EPB41L3: variants seen among roughly 807,000 people sequenced by gnomAD.
The protein encoded by EPB41L3 is erythrocyte membrane protein band 4.1 like 3, also known as band 4.1-like protein 3.
A neutral mutation model predicts 127.1 loss-of-function variants in EPB41L3; 57 were observed. The ratio of observed to expected loss-of-function variants is 0.45; its 90% CI spans 0.36 to 0.56. EPB41L3 has a LOEUF of 0.56. Among genes scored for constraint, EPB41L3 ranks in the 20% least tolerant of loss-of-function variants. The probability of loss-of-function intolerance (pLI) is 0.00; values close to 1 mark genes in which losing one functional copy is unlikely to be tolerated. For missense variants in EPB41L3, 1,273 were observed against 1,372.2 expected, an observed-to-expected ratio of 0.93 and a Z score of 1.14; for synonymous variants, 572 against 549.5, an observed-to-expected ratio of 1.04 and a Z score of -0.57.
chr18:5,570,623 T>C (rs1017521785), intron 3 of EPB41L3, among the ~76,000 whole-genome samples: 3 of 152,194 alleles, frequency 2.0e-5, no homozygotes, highest in Non-Finnish European at 4.4e-5. Flanking sequence ...TTTATTATAC[T>C]TTAAGTTCTA....
At chr18:5,507,858 A>G (rs573333732) in intron 1 of EPB41L3, among the ~76,000 whole-genome samples, 1 of 152,328 alleles carries the variant, frequency 6.6e-6, no homozygotes, top group African/African-American at 2.4e-5. Context: ...GTGCTAATAA[A>G]ATCATAATGA....
intron 3 of EPB41L3, among the ~76,000 whole-genome samples, chr18:5,471,067 T>C (rs2086054285): frequency 6.6e-6 from 1 of 152,158 alleles, no homozygotes; most frequent in Non-Finnish European, 1.5e-5. Flanking sequence ...AGCTGGTACC[T>C]GCCATGCAGG....
intron 3 of EPB41L3, among the ~76,000 whole-genome samples, chr18:5,573,961 A>G (rs1397781322): frequency 2.7e-5 from 4 of 149,658 alleles, no homozygotes; most frequent in African/African-American, 9.9e-5. Context: ...CCCAGGCTGG[A>G]GTGCAATGGC....
intron 13 of EPB41L3, among the ~76,000 whole-genome samples, chr18:5,413,336 T>C (rs1196730915): frequency 2.0e-5 from 3 of 152,162 alleles, no homozygotes; most frequent in South Asian, 2.1e-4. Context: ...TTGACCATTC[T>C]GAAAGTACAA....
intron 3 of EPB41L3, among the ~76,000 whole-genome samples, chr18:5,458,075 TG>T (rs1209499171): frequency 6.6e-6 from 1 of 152,178 alleles, no homozygotes; most frequent in Non-Finnish European, 1.5e-5. Flanking sequence ...TAAATGCATC[TG>T]GGGTTCATTT....
At chr18:5,406,707 A>G in intron 16 of EPB41L3, 70 bp downstream of exon 16, 1 of 1,412,558 alleles carries the variant, frequency 7.1e-7, no homozygotes. Flanking sequence ...GTCAAATGCA[A>G]TTCCACACCC....
At chr18:5,519,178 C>T (rs1039439641) in intron 1 of EPB41L3, among the ~76,000 whole-genome samples, 1 of 152,192 alleles carries the variant, frequency 6.6e-6, no homozygotes, top group Non-Finnish European at 1.5e-5. Flanking sequence ...TTTGTGAAGG[C>T]GTGCATCACA....
chr18:5,402,262 A>C (rs1424556333), intron 16 of EPB41L3, among the ~76,000 whole-genome samples: 1 of 151,092 alleles, frequency 6.6e-6, no homozygotes, highest in African/African-American at 2.4e-5. Context: ...GGAATCATTA[A>C]ATGTGGATTT....
chr18:5,420,228 C>A, intron 11 of EPB41L3: 1 of 342,430 alleles, frequency 2.9e-6, no homozygotes, highest in South Asian at 3.0e-5. Context: ...TGAGGCGAGG[C>A]TGCCGCTGGG....
intron 16 of EPB41L3, among the ~76,000 whole-genome samples, chr18:5,403,371 CAT>C (rs1598481724): frequency 6.6e-6 from 1 of 152,054 alleles, no homozygotes; most frequent in Non-Finnish European, 1.5e-5. Context: ...AGGAAACAAA[CAT>C]AAAATTCTCA....
chr18:5,609,187 T>A (rs538772176), intron 3 of EPB41L3, among the ~76,000 whole-genome samples: 1 of 152,292 alleles, frequency 6.6e-6, no homozygotes, highest in South Asian at 2.1e-4. Flanking sequence ...TAACTGATAA[T>A]CAAGACAATA....
At chr18:5,415,178 G>C (rs1237230809) in intron 13 of EPB41L3, among the ~76,000 whole-genome samples, 2 of 152,180 alleles carry the variant, frequency 1.3e-5, no homozygotes, top group Non-Finnish European at 2.9e-5. Context: ...GTTGCTTCTG[G>C]GCTTGTTTCT....
At chr18:5,513,322 T>C (rs1002609085) in intron 1 of EPB41L3, among the ~76,000 whole-genome samples, 1 of 152,114 alleles carries the variant, frequency 6.6e-6, no homozygotes, top group Non-Finnish European at 1.5e-5. Flanking sequence ...GGACCACAAA[T>C]CTACTATGTA....
At chr18:5,398,858 T>C in intron 16 of EPB41L3, 1 of 399,364 alleles carries the variant, frequency 2.5e-6, no homozygotes. Flanking sequence ...TCTCCAGCTG[T>C]GGAGCCTTCT....
At chr18:5,602,027 C>T (rs964169827) in intron 3 of EPB41L3, among the ~76,000 whole-genome samples, 1 of 152,172 alleles carries the variant, frequency 6.6e-6, no homozygotes, top group African/African-American at 2.4e-5. Flanking sequence ...AAATAAAGAT[C>T]GGACAAATTA....
chr18:5,584,224 G>T (rs1418903598), intron 3 of EPB41L3, among the ~76,000 whole-genome samples: 3 of 152,150 alleles, frequency 2.0e-5, no homozygotes, highest in Non-Finnish European at 4.4e-5. Context: ...CCAATAGCTG[G>T]GTCCTTTACC....
chr18:5,552,215 C>T (rs2093976602), intron 3 of EPB41L3, among the ~76,000 whole-genome samples: 1 of 152,226 alleles, frequency 6.6e-6, no homozygotes, highest in Non-Finnish European at 1.5e-5. Flanking sequence ...TGTTGATTCT[C>T]ACAACCTAGG....
rs1347089798 is a variant in EPB41L3, at chr18:5,397,925, C to T, written c.2472+96G>A. The stretch of plus-strand genomic sequence containing the variant: ...CACCTTTGAGATGTTGAAGGCAAAG[C>T]CAGCTGGATGCAACCACACACTCAC... On this transcript the variant is annotated intron_variant, in intron 17 of 22. Coordinates refer to ENST00000341928, the MANE Select transcript of EPB41L3 (RefSeq NM_012307.5). The surrounding 1 kb of genome is among the most constrained non-coding windows in gnomAD (Gnocchi z 4.1). The T allele has an allele frequency of 4.4e-5, 66 of 1,485,182 alleles. No homozygotes were observed. In the East Asian group the frequency reaches 1.3e-3, roughly 29 times the overall value. 92.0% of individuals were successfully genotyped at this position (1,485,182 alleles called of 1,614,324 possible).
chr18:5,501,471 C>T (rs1232098798), intron 1 of EPB41L3, among the ~76,000 whole-genome samples: 2 of 152,324 alleles, frequency 1.3e-5, no homozygotes, highest in East Asian at 3.9e-4. Flanking sequence ...TCAACTCTCC[C>T]TCATATAGAA....
Sources: allele counts gnomAD v4.1 joint callset (sites outside exome capture counted in the v4.1 genomes callset), GRCh38; gene constraint gnomAD v4.1.1; non-coding constraint Gnocchi (gnomAD v3.1); transcripts MANE v1.5; gene names NCBI Gene and HGNC (gene_info 2026-07-23, HGNC 2026-07-21).